SLC4A4: variants seen among roughly 807,000 people sequenced by gnomAD.
SLC4A4 encodes electrogenic sodium bicarbonate cotransporter 1.
In SLC4A4, 27 loss-of-function variants were observed where a neutral mutation model predicts 111.5. The observed-to-expected ratio is 0.24, with a 90% CI of 0.18 to 0.33. The LOEUF (loss-of-function observed/expected upper bound fraction) is 0.33. Ranked by LOEUF, SLC4A4 falls within the 10% of genes least tolerant of loss-of-function variation. SLC4A4 has a pLI of 1.00. For missense variants in SLC4A4, 909 were observed against 1,315.5 expected, an observed-to-expected ratio of 0.69 and a Z score of 4.78; for synonymous variants, 443 against 463.4, an observed-to-expected ratio of 0.96 and a Z score of 0.57.
chr4:71,078,815 ATTGT>A (rs770211955), intron 1 of SLC4A4, among the ~76,000 whole-genome samples: 3 of 151,324 alleles, frequency 2.0e-5, no homozygotes, highest in Non-Finnish European at 2.9e-5. Flanking sequence ...GGTGTTTTTT[ATTGT>A]TTGTTTGTTT....
At chr4:71,310,383 C>T (rs979521197) in intron 3 of SLC4A4, among the ~76,000 whole-genome samples, 4 of 152,098 alleles carry the variant, frequency 2.6e-5, no homozygotes, top group African/African-American at 9.7e-5. Context: ...ACATAATTGT[C>T]AGATTCTCTA....
intron 1 of SLC4A4, among the ~76,000 whole-genome samples, chr4:71,084,409 T>G (rs61333916): frequency 0.013 from 1,936 of 152,218 alleles, 66 homozygotes; most frequent in African/African-American, 0.044. Context: ...TATTTTATTT[T>G]CTTTTTTATT....
At chr4:71,138,832 T>A (rs1039897211) in intron 2 of SLC4A4, among the ~76,000 whole-genome samples, 1 of 151,808 alleles carries the variant, frequency 6.6e-6, no homozygotes, top group African/African-American at 2.4e-5. Flanking sequence ...GTCAGGAGAT[T>A]GAGACCATTC....
chr4:71,335,068 A>G (rs912950840), intron 3 of SLC4A4, among the ~76,000 whole-genome samples: 4 of 152,026 alleles, frequency 2.6e-5, no homozygotes, highest in Admixed American at 6.5e-5. Flanking sequence ...GCCTACGTGA[A>G]GTGGAGGGAG....
chr4:71,298,727 A>G (rs1244786556), intron 3 of SLC4A4, among the ~76,000 whole-genome samples: 9 of 152,176 alleles, frequency 5.9e-5, no homozygotes, highest in Admixed American at 3.3e-4. Context: ...GAAAGTGTCA[A>G]TGGGAAGTAG....
intron 2 of SLC4A4, among the ~76,000 whole-genome samples, chr4:71,246,547 C>T (rs1381637647): frequency 2.0e-5 from 3 of 152,036 alleles, no homozygotes; most frequent in African/African-American, 4.8e-5. Flanking sequence ...TTTGAATGAC[C>T]CCTGGTAGTA....
chr4:71,464,873 T>A (rs1244255689), intron 12 of SLC4A4, among the ~76,000 whole-genome samples: 1 of 152,166 alleles, frequency 6.6e-6, no homozygotes, highest in East Asian at 1.9e-4. Context: ...TCCTAAGCTT[T>A]TGAGTGGCAC....
At chr4:71,186,663 C>G (rs1218333867), upstream of SLC4A4, 9 of 151,618 alleles carry the variant, frequency 5.9e-5, no homozygotes, top group Non-Finnish European at 1.0e-4. Flanking sequence ...AGCAGCGGCC[C>G]GGAGCGGTGG....
intron 2 of SLC4A4, among the ~76,000 whole-genome samples, chr4:71,131,656 A>G (rs1008503445): frequency 2.0e-5 from 3 of 152,200 alleles, no homozygotes; most frequent in Non-Finnish European, 4.4e-5. Flanking sequence ...AACATTGGTA[A>G]ATGCATTATT....
intron 2 of SLC4A4, among the ~76,000 whole-genome samples, chr4:71,165,550 T>C (rs1744721174): frequency 6.6e-6 from 1 of 151,892 alleles, no homozygotes; most frequent in African/African-American, 2.4e-5. Flanking sequence ...TTGGGGCCTG[T>C]CAGGGGGTGG....
intron 7 of SLC4A4, among the ~76,000 whole-genome samples, chr4:71,412,989 C>A (rs1721499280): frequency 6.6e-6 from 1 of 152,116 alleles, no homozygotes; most frequent in African/African-American, 2.4e-5. Flanking sequence ...AGTTAAGTAA[C>A]CATAACCTAC....
At chr4:71,067,765 T>G (rs1377359534) in intron 1 of SLC4A4, among the ~76,000 whole-genome samples, 1 of 152,050 alleles carries the variant, frequency 6.6e-6, no homozygotes, top group Non-Finnish European at 1.5e-5. Flanking sequence ...TTTTTTTTTT[T>G]GAGTTGGGGG....
intron 2 of SLC4A4, among the ~76,000 whole-genome samples, chr4:71,243,656 A>G (rs1020452523): frequency 7.2e-5 from 11 of 152,160 alleles, no homozygotes; most frequent in African/African-American, 2.4e-4. Context: ...GTGGGATGAA[A>G]GGTGAAGGTA....
rs573009258 is a variant in SLC4A4, at chr4:71,180,766, C to G, written c.-1-55810C>G. Among the ~76,000 whole-genome samples, 7 of 152,282 alleles carry G rather than the reference C, an allele frequency of 4.6e-5. 1 individual carries two copies. Among genetic ancestry groups the G allele is most frequent in the African/African-American group, 1.7e-4 (7 of 41,556 alleles). ...CACTGTTGGTGGGACTAAACTAATT[C>G]AACCATTGTGGAAGTCAGTGTGGCG... On this transcript the variant is annotated intron_variant, in intron 2 of 26. Coordinates refer to the SLC4A4 transcript ENST00000649996.
intron 3 of SLC4A4, among the ~76,000 whole-genome samples, chr4:71,330,453 T>C (rs562374686): frequency 3.3e-5 from 5 of 152,314 alleles, no homozygotes; most frequent in South Asian, 2.1e-4. Flanking sequence ...ATCTGATCTT[T>C]GATAAACCTG....
intron 20 of SLC4A4, among the ~76,000 whole-genome samples, chr4:71,551,590 A>C (rs565273483): frequency 3.3e-5 from 5 of 151,984 alleles, no homozygotes; most frequent in South Asian, 4.1e-4. Context: ...CGTAAATAAT[A>C]GAGTCAAAAT....
intron 2 of SLC4A4, among the ~76,000 whole-genome samples, chr4:71,143,083 C>T (rs1209052324): frequency 5.9e-5 from 9 of 151,982 alleles, no homozygotes; most frequent in African/African-American, 1.2e-4. Context: ...TATCTCCTAA[C>T]GCCATCTCTC....
chr4:71,415,087 C>A (rs1721715393), intron 7 of SLC4A4, among the ~76,000 whole-genome samples: 1 of 152,192 alleles, frequency 6.6e-6, no homozygotes. Context: ...CATTTTGCAG[C>A]CTTAGCATGA....
chr4:71,135,389 G>C (rs1204140137), intron 2 of SLC4A4, among the ~76,000 whole-genome samples: 2 of 147,176 alleles, frequency 1.4e-5, no homozygotes, highest in Non-Finnish European at 3.0e-5. Flanking sequence ...TCAGCCTCCC[G>C]GGTTCAAGAG....
Sources: allele counts gnomAD v4.1 joint callset (sites outside exome capture counted in the v4.1 genomes callset), GRCh38; gene constraint gnomAD v4.1.1; transcripts MANE v1.5; gene names NCBI Gene and HGNC (gene_info 2026-07-23, HGNC 2026-07-21).